ROCK1: variants seen among roughly 807,000 people sequenced by gnomAD.
ROCK1 encodes the protein rho-associated protein kinase 1.
Under a neutral mutation model 196.8 loss-of-function variants are expected in ROCK1, and 36 were observed. The ratio of observed to expected loss-of-function variants is 0.18; its 90% CI spans 0.14 to 0.24. ROCK1 has a LOEUF of 0.24. Among genes scored for constraint, ROCK1 ranks in the 10% least tolerant of loss-of-function variants. The pLI is 1.00. For missense variants in ROCK1, 920 were observed against 1,562.0 expected, an observed-to-expected ratio of 0.59 and a Z score of 6.93; for synonymous variants, 443 against 515.9, an observed-to-expected ratio of 0.86 and a Z score of 1.91.
chr18:21,077,842 T>C (rs925622579), intron 1 of ROCK1, among the ~76,000 whole-genome samples: 1 of 152,208 alleles, frequency 6.6e-6, no homozygotes, highest in Non-Finnish European at 1.5e-5. Context: ...CTTTTTGTTT[T>C]CTGAGGCTTT....
At chr18:21,054,655 G>C (rs2036232190) in intron 2 of ROCK1, among the ~76,000 whole-genome samples, 1 of 152,030 alleles carries the variant, frequency 6.6e-6, no homozygotes, top group African/African-American at 2.4e-5. Context: ...TCGCTAGACA[G>C]TTTTACTTCC....
intron 10 of ROCK1, among the ~76,000 whole-genome samples, chr18:21,028,206 A>C (rs2035977183): frequency 6.6e-6 from 1 of 151,236 alleles, no homozygotes; most frequent in African/African-American, 2.4e-5. Context: ...TCATGAGGTC[A>C]GGAGTTCAAG....
chr18:21,041,829 T>C (rs1022656087), intron 8 of ROCK1, among the ~76,000 whole-genome samples: 8 of 152,136 alleles, frequency 5.3e-5, no homozygotes, highest in African/African-American at 1.9e-4. Flanking sequence ...ATTTTTATAA[T>C]TAACCAAGTT....
intron 16 of ROCK1, among the ~76,000 whole-genome samples, chr18:21,001,250 T>C (rs559646109): frequency 2.0e-4 from 31 of 152,230 alleles, no homozygotes; most frequent in African/African-American, 7.0e-4. Flanking sequence ...GAAAGGAAAT[T>C]GGTGGTTGCC....
intron 1 of ROCK1, among the ~76,000 whole-genome samples, chr18:21,071,141 T>C (rs1425104328): frequency 6.6e-6 from 1 of 151,714 alleles, no homozygotes; most frequent in African/African-American, 2.4e-5. Context: ...TAGGGAAAGC[T>C]AGCAGTAAAG....
At chr18:21,009,850 A>G (rs2035801582) in intron 13 of ROCK1, among the ~76,000 whole-genome samples, 1 of 152,188 alleles carries the variant, frequency 6.6e-6, no homozygotes, top group African/African-American at 2.4e-5. Context: ...CATATATCTA[A>G]AAAGTTTAAA....
chr18:20,975,899 C>T (rs1389962601), intron 22 of ROCK1, among the ~76,000 whole-genome samples: 11 of 152,212 alleles, frequency 7.2e-5, no homozygotes, highest in Admixed American at 7.2e-4. Flanking sequence ...GCGTGAGCCA[C>T]CATGCCCGGC....
At chr18:21,005,145 A>G (rs1259217581) in intron 16 of ROCK1, among the ~76,000 whole-genome samples, 1 of 152,224 alleles carries the variant, frequency 6.6e-6, no homozygotes, top group Non-Finnish European at 1.5e-5. Context: ...TAGAAAATAG[A>G]AAAATATGTG....
chr18:20,992,937 G>C lies in ROCK1; in HGVS notation c.1886C>G (p.Ala629Gly). 2.5e-6 allele frequency: 4 copies of C among 1,594,782 alleles called. No individual in the cohort carries two copies. Among genetic ancestry groups the C allele is most frequent in the Non-Finnish European group, 3.4e-6 (4 of 1,164,136 alleles). ...HDSEMIGDLQ[A>G]RITSLQEEVK... ...CTCCTCTTGTAAAGATGTAATTCGAGCTATCAAGTGAGAAAAAAGTTCAAG... is the reference window on the plus strand; with the variant it reads ...CTCCTCTTGTAAAGATGTAATTCGACCTATCAAGTGAGAAAAAAGTTCAAG... Residue 629 changes from alanine to glycine, a missense_variant and splice_region_variant, in exon 17 of 33, where the codon GCT (alanine) becomes GGT (glycine). Ala to Gly is a moderately conservative substitution (Grantham distance 60). Transcript: ENST00000399799.
At chr18:21,074,019 G>A (rs141396530) in intron 1 of ROCK1, among the ~76,000 whole-genome samples, 34 of 152,126 alleles carry the variant, frequency 2.2e-4, no homozygotes, top group East Asian at 9.7e-4. Flanking sequence ...ATAGCTGGGC[G>A]TGGTGCCGCA....
intron 1 of ROCK1, among the ~76,000 whole-genome samples, chr18:21,100,944 A>G (rs1335298056): frequency 6.6e-6 from 1 of 152,072 alleles, no homozygotes; most frequent in African/African-American, 2.4e-5. Context: ...GCACTGTACC[A>G]TCCCTACCAG....
intron 29 of ROCK1, among the ~76,000 whole-genome samples, chr18:20,957,584 G>A (rs868851215): frequency 1.2e-4 from 19 of 152,108 alleles, no homozygotes; most frequent in Non-Finnish European, 1.9e-4. Flanking sequence ...GGGTTCAAGC[G>A]ATTCTCCTGC....
chr18:21,028,680 T>C lies in ROCK1; in HGVS notation c.1211+96A>G, dbSNP rs1444317266. On this transcript the variant is annotated intron_variant, in intron 10 of 32. Coordinates refer to ENST00000399799, the MANE Select transcript of ROCK1 (RefSeq NM_005406.3). Reference sequence around the variant, plus strand: ...GAAAAATTGCATAATAAGGTGTATCTTTATATAGCATTAAATCTACTTTAA... The same window carrying C: ...GAAAAATTGCATAATAAGGTGTATCCTTATATAGCATTAAATCTACTTTAA... 5.5e-6 allele frequency: 6 copies of C among 1,083,568 alleles called. No homozygotes were observed. In the Admixed American group the frequency reaches 1.6e-4, roughly 29 times the overall value. The allele number at this position is 1,083,568 out of a possible 1,614,324, so 67.1% of individuals were successfully genotyped here.
chr18:20,953,742 T>C lies in ROCK1; in HGVS notation c.3897A>G (p.Ala1299=), dbSNP rs201751221. 539 of 1,512,822 alleles carry C rather than the reference T, an allele frequency of 3.6e-4. 1 individual carries two copies. In the East Asian group the frequency reaches 0.011, roughly 31 times the overall value. The allele number at this position is 1,512,822 out of a possible 1,614,324, so 93.7% of individuals were successfully genotyped here. ...ATTTTTTTTGTTCATCCTGAGAACA[T>C]GCTAACAGCAGCATATCTCTTGCTG... The part of the protein sequence containing the change: ...VTSARDMLLL[A]CSQDEQKKWV... Residue 1299 remains alanine (A), a synonymous_variant, in exon 32 of 33, where the codon GCA becomes GCG. Transcript: ENST00000399799.
chr18:21,008,547 A>C (rs1298837845), intron 13 of ROCK1, among the ~76,000 whole-genome samples: 1 of 152,238 alleles, frequency 6.6e-6, no homozygotes, highest in Non-Finnish European at 1.5e-5. Flanking sequence ...TACTGGGATA[A>C]CAGGCATGAG....
At chr18:20,960,256 G>C in intron 27 of ROCK1, 50 bp from the exon 28 acceptor site, 2 of 1,121,434 alleles carry the variant, frequency 1.8e-6, no homozygotes, top group Non-Finnish European at 2.7e-6. Context: ...TGTAACAAAA[G>C]AAAAACTATT....
chr18:21,057,170 C>A (rs1233722873), intron 2 of ROCK1, among the ~76,000 whole-genome samples: 1 of 152,216 alleles, frequency 6.6e-6, no homozygotes, highest in Non-Finnish European at 1.5e-5. Context: ...GATGTTGTGA[C>A]CATCTAGACT....
intron 7 of ROCK1, 97 bp from the exon 8 acceptor site, chr18:21,042,332 T>G: frequency 1.7e-6 from 2 of 1,166,714 alleles, no homozygotes; most frequent in Non-Finnish European, 1.2e-6. Flanking sequence ...AAAAAGATTA[T>G]TAGGTATGTA....
chr18:21,090,297 C>T (rs1458911245), intron 1 of ROCK1, among the ~76,000 whole-genome samples: 1 of 152,184 alleles, frequency 6.6e-6, no homozygotes, highest in East Asian at 1.9e-4. Context: ...GACCCTGTCT[C>T]TATTAAACAT....
Sources: allele counts gnomAD v4.1 joint callset (sites outside exome capture counted in the v4.1 genomes callset), GRCh38; gene constraint gnomAD v4.1.1; transcripts MANE v1.5; gene names NCBI Gene and HGNC (gene_info 2026-07-23, HGNC 2026-07-21).